SLC4A2: variants seen among roughly 807,000 people sequenced by gnomAD.
SLC4A2 encodes the protein anion exchange protein 2.
Under a neutral mutation model 115.0 loss-of-function variants are expected in SLC4A2, and 36 were observed. That is an observed-to-expected ratio of 0.31 (90% CI 0.24 to 0.41). The LOEUF is 0.41. SLC4A2 is among the 10% of genes least tolerant of loss of function. The probability of loss-of-function intolerance (pLI) is 1.00; values close to 1 mark genes in which losing one functional copy is unlikely to be tolerated. For missense variants in SLC4A2, 1,252 were observed against 1,705.6 expected (o/e 0.73, Z 4.68); for synonymous variants, 708 against 708.3 (o/e 1.00, Z 0.01).
chr7:151,073,015 C>T (rs759743028), intron 16 of SLC4A2, among the ~76,000 whole-genome samples: 1 of 152,094 alleles, frequency 6.6e-6, no homozygotes. Context: ...GGCACAGTGG[C>T]GCCATTAGAG....
In SLC4A2 at chr7:151,061,957, C is replaced by T. The variant is rs1376288816; in HGVS notation, c.-31C>T. 1.2e-6 allele frequency: 2 copies of T among 1,605,620 alleles called. No homozygotes were observed. The highest frequency in any genetic ancestry group is 1.7e-5 in the Admixed American group (1 of 59,646). ...CTCCGCCTCGTTGCCCTGAAAGCCG[C>T]AGCGACAGCGAAAAGGGCTAAGATT... On this transcript the variant is annotated 5_prime_UTR_variant, in exon 2 of 23. Transcript: ENST00000413384.
At chr7:151,067,258 G>T (rs543704520) in intron 7 of SLC4A2, among the ~76,000 whole-genome samples, 2 of 152,262 alleles carry the variant, frequency 1.3e-5, no homozygotes, top group Non-Finnish European at 2.9e-5. Context: ...GCTAATTTTT[G>T]TATTTTTAGT....
At chr7:151,063,140 C>CTGCGGCTG in intron 2 of SLC4A2, 2 of 1,466,978 alleles carry the variant, frequency 1.4e-6, no homozygotes, top group Non-Finnish European at 1.8e-6. Context: ...GCCGCATTCC[C>CTGCGGCTG]TGCCGGCTGT....
chr7:151,061,658 T>G, intron 1 of SLC4A2: 1 of 353,272 alleles, frequency 2.8e-6, no homozygotes, highest in Admixed American at 4.2e-5. Context: ...TCTCCCTCAT[T>G]TTTCTTGCGG....
intron 20 of SLC4A2, 29 bp downstream of exon 20, chr7:151,075,537 A>C: frequency 6.3e-7 from 1 of 1,593,850 alleles, no homozygotes; most frequent in Non-Finnish European, 8.5e-7. Context: ...TTCCCTTCCC[A>C]GTGGATTCCC....
rs1336316643 is a variant in SLC4A2, at chr7:151,071,658, C to T, written c.2192-31C>T. On this transcript the variant is annotated intron_variant, in intron 14 of 22. Transcript: ENST00000413384. The surrounding 1 kb of genome is among the most constrained non-coding windows in gnomAD (Gnocchi z 5.5). ...GCGGGGACTGCCCAGGGCCTGGCCACCAGCTCCTGAGCTGGTTCCTACACC... is the reference window on the plus strand; with the variant it reads ...GCGGGGACTGCCCAGGGCCTGGCCATCAGCTCCTGAGCTGGTTCCTACACC... 4 of 1,612,452 alleles carry T rather than the reference C, an allele frequency of 2.5e-6. No homozygotes were observed. Among genetic ancestry groups the T allele is most frequent in the Non-Finnish European group, 2.5e-6 (3 of 1,179,198 alleles).
At chr7:151,068,108 A>C in intron 8 of SLC4A2, 54 bp downstream of exon 8, 1 of 1,326,702 alleles carries the variant, frequency 7.5e-7, no homozygotes, top group Non-Finnish European at 9.9e-7. Context: ...AAATTCTCCC[A>C]CATGGCCCCA....
At position 151,074,687 on chromosome 7, in the gene SLC4A2, C is replaced by T. The variant is rs763265092; in HGVS notation, c.2893C>T (p.Pro965Ser). ...EDTYTQKLSV[P>S]SGFSVTAPEK... ...GTCTGCCCTGCAGAAGCTGAGCGTT[C>T]CCAGTGGATTCTCGGTGACTGCCCC... Residue 965 changes from proline (P) to serine (S), a missense_variant, in exon 19 of 23, where the codon CCC becomes TCC. Pro to Ser is a moderately conservative substitution (Grantham distance 74, BLOSUM62 -1). Coordinates refer to ENST00000413384, the MANE Select transcript of SLC4A2 (RefSeq NM_003040.4). The T allele has an allele frequency of 2.5e-6, 4 of 1,599,960 alleles. No individual in the cohort carries two copies.
Position 151,064,980 on chromosome 7 carries a change from A to G in SLC4A2, c.578+14A>G. On this transcript the variant is annotated intron_variant, in intron 5 of 22. Transcript: ENST00000413384. ...GGCCCAGGCTGGGTAAGTACACCCCAATCAACAGTGTCCCCAACAGACACT... is the reference window on the plus strand; with the variant it reads ...GGCCCAGGCTGGGTAAGTACACCCCGATCAACAGTGTCCCCAACAGACACT... 1 of 1,510,274 alleles carries G rather than the reference A, an allele frequency of 6.6e-7. No individual in the cohort carries two copies. The highest frequency in any genetic ancestry group is 9.2e-7 in the Non-Finnish European group (1 of 1,085,862). The allele number at this position is 1,510,274 out of a possible 1,614,324, so 93.6% of individuals were successfully genotyped here.
In SLC4A2 at chr7:151,074,499, G is replaced by A. The variant is rs1444145342; in HGVS notation, c.2880+11G>A. On this transcript the variant is annotated intron_variant, in intron 18 of 22. Coordinates refer to ENST00000413384, the MANE Select transcript of SLC4A2 (RefSeq NM_003040.4). ...GACACCTATACCCAGGTAAGGTGCT[G>A]CCCACAGCAGGCAAGTGCTGCTGCC... 6.2e-7 allele frequency: 1 copy of A among 1,613,166 alleles called. No homozygotes were observed. The highest frequency in any genetic ancestry group is 1.1e-5 in the South Asian group (1 of 91,070).
chr7:151,061,034 C>T (rs1797026430), intron 1 of SLC4A2, among the ~76,000 whole-genome samples: 1 of 152,012 alleles, frequency 6.6e-6, no homozygotes, highest in Non-Finnish European at 1.5e-5. Flanking sequence ...CCTTCTCTGC[C>T]CCCACCACAC....
At chr7:151,061,795 C>T (rs1789782912) in intron 1 of SLC4A2, 130 bp from the exon 2 acceptor site, 2 of 597,400 alleles carry the variant, frequency 3.3e-6, no homozygotes, top group Admixed American at 2.9e-5. Flanking sequence ...CTCCTCTGTG[C>T]TGTGGCTGCC....
rs763265092 is a variant in SLC4A2, at chr7:151,074,687, C to G, written c.2893C>G (p.Pro965Ala). 1 of 1,600,078 alleles carries G rather than the reference C, an allele frequency of 6.2e-7. No homozygotes were observed. The highest frequency in any genetic ancestry group is 1.4e-5 in the African/African-American group (1 of 74,006). Residue 965 changes from proline to alanine, a missense_variant, in exon 19 of 23, where the codon CCC (proline) becomes GCC (alanine). This residue lies in a region of SLC4A2 where 253 missense variants were observed against 407.4 expected (regional missense o/e 0.62). Coordinates refer to ENST00000413384, the MANE Select transcript of SLC4A2 (RefSeq NM_003040.4). ...GTCTGCCCTGCAGAAGCTGAGCGTT[C>G]CCAGTGGATTCTCGGTGACTGCCCC... ...EDTYTQKLSV[P>A]SGFSVTAPEK...
chr7:151,062,633 G>A, intron 2 of SLC4A2: 2 of 1,522,174 alleles, frequency 1.3e-6, no homozygotes, highest in African/African-American at 1.4e-5. Context: ...GTTCACCCCT[G>A]CCGGCCATGG....
In SLC4A2 at chr7:151,064,677, G is replaced by T; in HGVS notation, c.369G>T (p.Glu123Asp). Residue 123 changes from glutamate to aspartate, a missense_variant, in exon 4 of 23, where the codon GAG (glutamate) becomes GAT (aspartate). By Grantham distance (45) the Glu-to-Asp change is conservative. This residue lies in a region of SLC4A2 where 215 missense variants were observed against 205.2 expected (regional missense o/e 1.05). Coordinates refer to ENST00000413384, the MANE Select transcript of SLC4A2 (RefSeq NM_003040.4). ...SPTGETPTIEEGEEDEDEASE... is the reference protein window; with the variant it reads ...SPTGETPTIEDGEEDEDEASE... Reference sequence around the variant, plus strand: ...CTGGAGAAACCCCGACCATTGAGGAGGGGGAGGAAGATGAGGATGAGGCCA... The same window carrying T: ...CTGGAGAAACCCCGACCATTGAGGATGGGGAGGAAGATGAGGATGAGGCCA... 1.2e-6 allele frequency: 2 copies of T among 1,613,818 alleles called. No homozygotes were observed. Among genetic ancestry groups the T allele is most frequent in the South Asian group, 2.2e-5 (2 of 91,076 alleles).
chr7:151,070,409 CAG>C (rs772799930), intron 10 of SLC4A2, 46 bp from the exon 11 acceptor site: 6 of 1,611,654 alleles, frequency 3.7e-6, no homozygotes, highest in African/African-American at 1.3e-5. Context: ...GGTGTGGACT[CAG>C]AGTGGGAGGG....
At chr7:151,062,796 G>T in intron 2 of SLC4A2, 1 of 1,370,296 alleles carries the variant, frequency 7.3e-7, no homozygotes, top group East Asian at 3.0e-5. Flanking sequence ...ATGGACAGGA[G>T]CCTTCCTCAC....
intron 21 of SLC4A2, 86 bp from the exon 22 acceptor site, chr7:151,075,927 T>C: frequency 6.7e-7 from 1 of 1,482,288 alleles, no homozygotes; most frequent in Non-Finnish European, 9.1e-7. Flanking sequence ...AGGAATGTTC[T>C]TCCATCCCCG....
In SLC4A2 at chr7:151,071,812, T is replaced by G. The variant is rs1797450689; in HGVS notation, c.2315T>G (p.Leu772Arg). The change falls in exon 15 of 23, where the codon CTG (leucine) becomes CGG (arginine). Residue 772 changes from leucine to arginine, a missense_variant. Around this residue, in one of 14 missense-constraint regions of SLC4A2, gnomAD observed 118 missense variants for 203.3 expected, o/e 0.58. Transcript: ENST00000413384. The surrounding 1 kb of genome is among the most constrained non-coding windows in gnomAD (Gnocchi z 5.5). ...LLVIGFSGPLLVFEEAFFSFC... is the reference protein window; with the variant it reads ...LLVIGFSGPLRVFEEAFFSFC... The stretch of plus-strand genomic sequence containing the variant: ...GTGATCGGCTTCTCAGGGCCCCTGC[T>G]GGTCTTTGAGGAGGCCTTCTTCTCG... 1 of 1,608,804 alleles carries G rather than the reference T, an allele frequency of 6.2e-7. No homozygotes were observed. Among genetic ancestry groups the G allele is most frequent in the Non-Finnish European group, 8.5e-7 (1 of 1,178,646 alleles).
Sources: gnomAD v4.1 joint callset for allele counts (sites outside exome capture counted in the v4.1 genomes callset) on GRCh38, gnomAD v4.1.1 for gene constraint, gnomAD v4.1.1 regional missense constraint, Gnocchi (gnomAD v3.1) non-coding constraint, MANE v1.5 for transcripts, NCBI Gene and HGNC (gene_info 2026-07-23, HGNC 2026-07-21) for gene names.